Variants in SCAI observed in about 807,000 individuals in gnomAD.
SCAI encodes the protein protein SCAI.
In SCAI, 24 loss-of-function variants were observed where a neutral mutation model predicts 92.2. That is an observed-to-expected ratio of 0.26 (90% CI 0.19 to 0.37). SCAI has a LOEUF of 0.37. SCAI is among the 10% of genes least tolerant of loss of function. SCAI has a pLI of 1.00. For missense variants in SCAI, 450 were observed against 736.2 expected (o/e 0.61, Z 4.50); for synonymous variants, 261 against 258.6 (o/e 1.01, Z -0.09).
In SCAI at chr9:125,101,614, C is replaced by T. The variant is rs138190601; in HGVS notation, c.98+41019G>A. On this transcript the variant is annotated intron_variant, in intron 2 of 17. Transcript: ENST00000336505. ...GCTACTGGACATCTGAGCAAAAATG[C>T]AGAACAGGCAGCTGGAATTTTGAGT... Among the ~76,000 whole-genome samples, 34 of 152,236 alleles carry T rather than the reference C, an allele frequency of 2.2e-4. No homozygotes were observed. The East Asian group carries it at 6.2e-3, about 28-fold the overall frequency.
intron 2 of SCAI, among the ~76,000 whole-genome samples, chr9:125,101,616 G>C (rs1834679764): frequency 6.6e-6 from 1 of 152,184 alleles, no homozygotes; most frequent in South Asian, 2.1e-4. Flanking sequence ...CAAAAATGCA[G>C]AACAGGCAGC....
At chr9:125,013,149 A>G (rs1158503441) in intron 9 of SCAI, among the ~76,000 whole-genome samples, 1 of 152,164 alleles carries the variant, frequency 6.6e-6, no homozygotes, top group African/African-American at 2.4e-5. Context: ...CACATTCAAA[A>G]GCTAGCAGAA....
chr9:125,130,861 T>C (rs1000233701), intron 2 of SCAI, among the ~76,000 whole-genome samples: 2 of 148,116 alleles, frequency 1.4e-5, no homozygotes, highest in African/African-American at 4.9e-5. Context: ...GGAAAAGCTA[T>C]AGACTAAAAA....
At chr9:125,118,229 G>A (rs1331376483) in intron 2 of SCAI, among the ~76,000 whole-genome samples, 2 of 152,148 alleles carry the variant, frequency 1.3e-5, no homozygotes, top group African/African-American at 2.4e-5. Flanking sequence ...CAAGCATGGT[G>A]GCTCACTTCT....
At chr9:125,011,612 G>A (rs1393995008) in intron 9 of SCAI, among the ~76,000 whole-genome samples, 1 of 152,224 alleles carries the variant, frequency 6.6e-6, no homozygotes, top group Non-Finnish European at 1.5e-5. Context: ...ACACTCTGCG[G>A]ATATTATCCA....
At chr9:125,141,732 T>C (rs1835670837) in intron 2 of SCAI, among the ~76,000 whole-genome samples, 1 of 152,216 alleles carries the variant, frequency 6.6e-6, no homozygotes, top group South Asian at 2.1e-4. Context: ...TCAGACTGTC[T>C]GGATTCAAAT....
intron 2 of SCAI, among the ~76,000 whole-genome samples, chr9:125,106,867 ATTTTTTTTTTTTTTTTTTTAAGTTTTTT>A (rs1421905424): frequency 5.9e-5 from 8 of 135,720 alleles, no homozygotes; most frequent in African/African-American, 2.2e-4. Context: ...TGCCTGGTTA[ATTTTTTTTTTTTTTTTTTTAAGTTTTTT>A]GTAGCATCAG....
chr9:125,082,009 C>T (rs933960187), intron 2 of SCAI, among the ~76,000 whole-genome samples: 5 of 152,146 alleles, frequency 3.3e-5, no homozygotes, highest in African/African-American at 1.2e-4. Context: ...AACGAGGAGC[C>T]CAAAATTAAT....
chr9:124,986,612 T>C (rs1484219717), intron 14 of SCAI, among the ~76,000 whole-genome samples: 1 of 152,162 alleles, frequency 6.6e-6, no homozygotes, highest in Non-Finnish European at 1.5e-5. Context: ...ACCATCGATA[T>C]GTGAAGAGAA....
chr9:125,139,740 A>G (rs1216157665), intron 2 of SCAI, among the ~76,000 whole-genome samples: 1 of 152,202 alleles, frequency 6.6e-6, no homozygotes, highest in Non-Finnish European at 1.5e-5. Flanking sequence ...TGAGAATTAC[A>G]AGATCGATTT....
intron 13 of SCAI, among the ~76,000 whole-genome samples, chr9:124,996,625 A>AT (rs903615560): frequency 2.8e-4 from 42 of 149,954 alleles, no homozygotes; most frequent in Middle Eastern, 6.8e-3. Flanking sequence ...ATTTTCATTT[A>AT]TTTTTTTTTA....
intron 14 of SCAI, among the ~76,000 whole-genome samples, chr9:124,990,784 G>A (rs114253250): frequency 5.9e-5 from 9 of 152,284 alleles, no homozygotes; most frequent in African/African-American, 2.2e-4. Context: ...TCTGGGAAGA[G>A]GCAAATAGGG....
At chr9:125,101,741 CTG>C (rs1190447000) in intron 2 of SCAI, among the ~76,000 whole-genome samples, 1 of 152,188 alleles carries the variant, frequency 6.6e-6, no homozygotes, top group Admixed American at 6.5e-5. Context: ...ATACATAGTA[CTG>C]ACCAGCCAAG....
At chr9:124,968,677 A>G in intron 17 of SCAI, 2 of 1,327,482 alleles carry the variant, frequency 1.5e-6, no homozygotes, top group Admixed American at 1.7e-5. Context: ...GGGTGGCCCA[A>G]AGTTCCCGAT....
intron 2 of SCAI, among the ~76,000 whole-genome samples, chr9:125,123,032 C>A (rs1835189309): frequency 1.3e-5 from 2 of 149,540 alleles, no homozygotes; most frequent in Admixed American, 1.4e-4. Flanking sequence ...CCAGGTGTTA[C>A]CTCAATAGAA....
At chr9:125,041,159 A>G (rs1244786617) in intron 3 of SCAI, among the ~76,000 whole-genome samples, 2 of 152,208 alleles carry the variant, frequency 1.3e-5, no homozygotes, top group Non-Finnish European at 2.9e-5. Context: ...GCATTTTAAA[A>G]ATCCATTTCC....
chr9:125,058,376 T>C (rs1409604477), intron 2 of SCAI, among the ~76,000 whole-genome samples: 2 of 151,804 alleles, frequency 1.3e-5, no homozygotes, highest in Admixed American at 6.6e-5. Flanking sequence ...TAGCCCAGCA[T>C]GGTGGGGTGT....
chr9:125,006,653 G>A (rs958981693), intron 9 of SCAI, among the ~76,000 whole-genome samples: 52 of 151,894 alleles, frequency 3.4e-4, no homozygotes, highest in African/African-American at 1.2e-3. Flanking sequence ...CACCACGCCC[G>A]GCTAATTTTT....
At chr9:125,105,952 C>A (rs891963535) in intron 2 of SCAI, among the ~76,000 whole-genome samples, 2 of 150,414 alleles carry the variant, frequency 1.3e-5, no homozygotes, top group African/African-American at 4.9e-5. Context: ...CAAAAATTAG[C>A]TGGGTGTGGT....
Sources: allele counts gnomAD v4.1 joint callset (sites outside exome capture counted in the v4.1 genomes callset), GRCh38; gene constraint gnomAD v4.1.1; transcripts MANE v1.5; gene names NCBI Gene and HGNC (gene_info 2026-07-23, HGNC 2026-07-21).